LGI1: variants seen among roughly 807,000 people sequenced by gnomAD.
LGI1 encodes the protein leucine-rich glioma-inactivated protein 1.
In LGI1, 11 loss-of-function variants were observed where a neutral mutation model predicts 57.7. The ratio of observed to expected loss-of-function variants is 0.19; its 90% confidence interval spans 0.12 to 0.32. The LOEUF is 0.32. Among genes scored for constraint, LGI1 ranks in the 10% least tolerant of loss-of-function variants. The pLI, the probability that LGI1 is intolerant of heterozygous loss-of-function variation, is 1.00. For missense variants in LGI1, 422 were observed against 661.9 expected, an observed-to-expected ratio of 0.64 and a Z score of 3.98; for synonymous variants, 222 against 241.9, an observed-to-expected ratio of 0.92 and a Z score of 0.76.
intron 3 of LGI1, 39 bp from the exon 4 acceptor site, chr10:93,777,507 C>T (rs1455819939): frequency 1.2e-6 from 2 of 1,606,426 alleles, no homozygotes; most frequent in African/African-American, 2.7e-5. Flanking sequence ...TCTCAAGTTC[C>T]TGTAACTGTT....
intron 7 of LGI1, among the ~76,000 whole-genome samples, chr10:93,795,517 A>G (rs2059973191): frequency 6.6e-6 from 1 of 152,174 alleles, no homozygotes; most frequent in African/African-American, 2.4e-5. Context: ...CCCACTTCTT[A>G]ATACTATTAC....
chr10:93,783,513 G>A lies in LGI1; in HGVS notation c.431+5896G>A, dbSNP rs558920311. On this transcript the variant is annotated intron_variant, in intron 4 of 7. Coordinates refer to ENST00000371418, the MANE Select transcript of LGI1 (RefSeq NM_005097.4). ...GCCTTGGGATTTCTACCACAGTGGG[G>A]CTGTGGGGAGGGAGGGTCCTTCCTG... Among the ~76,000 whole-genome samples, 24 of 152,322 alleles carry A rather than the reference G, an allele frequency of 1.6e-4. No homozygotes were observed. In the East Asian group the frequency reaches 4.6e-3, roughly 29 times the overall value.
intron 4 of LGI1, among the ~76,000 whole-genome samples, chr10:93,779,626 C>G (rs574993130): frequency 6.6e-6 from 1 of 152,210 alleles, no homozygotes; most frequent in African/African-American, 2.4e-5. Context: ...TTACTGGAGC[C>G]TATGATGTGT....
rs773401944 is a variant in LGI1 at position 93,797,722 on chromosome 10, T to C, written c.1593T>C (p.Asn531=). ...GATCATTCACACATGTGTCCATTAA[T>C]AAGCGTAATTTTCTTTTTGCTTCCA... ...APRSFTHVSI[N]KRNFLFASSF... Residue 531 remains asparagine, a synonymous_variant, in exon 8 of 8, where the codon AAT becomes AAC. Transcript: ENST00000371418. The surrounding 1 kb of genome is among the most constrained non-coding windows in gnomAD (Gnocchi z 6.5). 3 of 1,612,800 alleles carry C rather than the reference T, an allele frequency of 1.9e-6. No individual in the cohort carries two copies. Among genetic ancestry groups the C allele is most frequent in the Admixed American group, 1.7e-5 (1 of 60,026 alleles).
rs2059985791 is a variant in LGI1 at position 93,796,991 on chromosome 10, C to T, written c.862C>T (p.Pro288Ser). The change falls in exon 8 of 8, where the codon CCT becomes TCT. Residue 288 changes from proline to serine, a missense_variant. Physicochemically the swap from Pro to Ser is moderately conservative, Grantham distance 74. Transcript: ENST00000371418. The stretch of plus-strand genomic sequence containing the variant: ...AGGCACATCCACTGTAGTATGCAAG[C>T]CTATAGTCATTGAAACTCAGCTCTA... The part of the protein sequence containing the change: ...ITGTSTVVCK[P>S]IVIETQLYVI... 1.9e-6 allele frequency: 3 copies of T among 1,613,908 alleles called. No individual in the cohort carries two copies. The highest frequency in any genetic ancestry group is 2.5e-6 in the Non-Finnish European group (3 of 1,179,866).
At chr10:93,796,649 T>C (rs929294243) in intron 7 of LGI1, among the ~76,000 whole-genome samples, 11 of 152,242 alleles carry the variant, frequency 7.2e-5, no homozygotes, top group African/African-American at 2.2e-4. Flanking sequence ...CTCATTTGTG[T>C]CAGGGAAACT....
At position 93,797,226 on chromosome 10, in the gene LGI1, G is replaced by C. The variant is rs2059988287; in HGVS notation, c.1097G>C (p.Gly366Ala). 5.0e-6 allele frequency: 8 copies of C among 1,614,188 alleles called. No individual in the cohort carries two copies. Among genetic ancestry groups the C allele is most frequent in the Non-Finnish European group, 5.9e-6 (7 of 1,180,034 alleles). ...ACCATTTACAAATGGAACGGAAACG[G>C]ATTCTACTCCCATCAATCCTTACAC... Reference protein sequence around the residue: ...FTTIYKWNGNGFYSHQSLHAW... With the variant: ...FTTIYKWNGNAFYSHQSLHAW... The change falls in exon 8 of 8, where the codon GGA becomes GCA. Residue 366 changes from glycine (G) to alanine (A), a missense_variant. Gly to Ala is a moderately conservative substitution (Grantham distance 60). Coordinates refer to ENST00000371418, the MANE Select transcript of LGI1 (RefSeq NM_005097.4). The surrounding 1 kb of genome is among the most constrained non-coding windows in gnomAD (Gnocchi z 6.5).
intron 7 of LGI1, 30 bp downstream of exon 7, chr10:93,793,380 G>A (rs749031343): frequency 8.1e-6 from 13 of 1,601,134 alleles, no homozygotes; most frequent in Non-Finnish European, 1.1e-5. Context: ...ATTTTGAGTG[G>A]TAATTTAAAC....
At position 93,798,046 on chromosome 10, in the gene LGI1, A is replaced by G. The variant is rs1366061894; in HGVS notation, c.*243A>G. ...TCTTTGCAGTGAAGATGTGTAAATA[A>G]GCGTTTAATGGTATCTGTTACTCCA... On this transcript the variant is annotated 3_prime_UTR_variant, in exon 8 of 8. Coordinates refer to ENST00000371418, the MANE Select transcript of LGI1 (RefSeq NM_005097.4). 1.8e-6 allele frequency: 1 copy of G among 556,418 alleles called. No individual in the cohort carries two copies. The highest frequency in any genetic ancestry group is 1.9e-5 in the African/African-American group (1 of 53,020). 34.5% of individuals were successfully genotyped at this position (556,418 alleles called of 1,614,324 possible). A position where few individuals can be genotyped will look rare whatever the true frequency, so the allele number is the denominator to read the frequency against.
At chr10:93,775,581 T>C (rs141671163) in intron 2 of LGI1, among the ~76,000 whole-genome samples, 97 of 152,324 alleles carry the variant, frequency 6.4e-4, no homozygotes, top group African/African-American at 2.2e-3. Context: ...ATTTATTCAG[T>C]GTCCACTAGA....
intron 2 of LGI1, chr10:93,764,097 G>T (rs1212287133): frequency 2.0e-5 from 3 of 152,086 alleles, no homozygotes; most frequent in African/African-American, 7.2e-5. Context: ...GGCTCTACTG[G>T]GTAGCAGGTA....
chr10:93,768,383 TTTTC>T (rs2059701167), intron 2 of LGI1: 1 of 152,198 alleles, frequency 6.6e-6, no homozygotes, highest in African/African-American at 2.4e-5. Context: ...CTCACCTCGG[TTTTC>T]TTTATCTCTT....
chr10:93,777,358 T>C (rs748057413), intron 2 of LGI1, 21 bp from the exon 3 acceptor site: 38 of 1,608,490 alleles, frequency 2.4e-5, no homozygotes, highest in African/African-American at 5.3e-5. Flanking sequence ...ACCATTTTCA[T>C]TGTGTACTTT....
intron 2 of LGI1, chr10:93,777,036 C>G (rs1489869629): frequency 7.8e-6 from 3 of 385,680 alleles, no homozygotes; most frequent in South Asian, 7.5e-5. Flanking sequence ...CTAGAACAAG[C>G]AGAAAAGATT....
intron 2 of LGI1, chr10:93,770,330 G>T (rs1230041006): frequency 1.3e-5 from 2 of 152,240 alleles, no homozygotes; most frequent in Admixed American, 6.5e-5. Context: ...AAGAGGCGAG[G>T]CCCCAGGGCA....
At position 93,777,528 on chromosome 10, in the gene LGI1, T is replaced by C; in HGVS notation, c.360-18T>C. 1 of 1,612,216 alleles carries C rather than the reference T, an allele frequency of 6.2e-7. No individual in the cohort carries two copies. Among genetic ancestry groups the C allele is most frequent in the Non-Finnish European group, 8.5e-7 (1 of 1,178,342 alleles). ...GTTCCTGTAACTGTTTGACAAAAAATATTATAACTTATTGCAGATTCATAG... is the reference window on the plus strand; with the variant it reads ...GTTCCTGTAACTGTTTGACAAAAAACATTATAACTTATTGCAGATTCATAG... On this transcript the variant is annotated intron_variant, in intron 3 of 7. Transcript: ENST00000371418.
chr10:93,758,912 A>G lies in LGI1; in HGVS notation c.287+81A>G, dbSNP rs1012064017. 6.7e-6 allele frequency: 7 copies of G among 1,045,582 alleles called. No homozygotes were observed. The highest frequency in any genetic ancestry group is 1.6e-5 in the African/African-American group (1 of 63,556). 64.8% of individuals were successfully genotyped at this position (1,045,582 alleles called of 1,614,324 possible). On this transcript the variant is annotated intron_variant, in intron 2 of 7. Coordinates refer to ENST00000371418, the MANE Select transcript of LGI1 (RefSeq NM_005097.4). The surrounding 1 kb of genome is among the most constrained non-coding windows in gnomAD (Gnocchi z 4.7). ...TTCTAGTAAAATGATCTCAATATTA[A>G]TTTTGTCAAATGTGATTCTATTTCT...
chr10:93,796,907 A>C, intron 7 of LGI1, 61 bp from the exon 8 acceptor site: 1 of 1,350,208 alleles, frequency 7.4e-7, no homozygotes, highest in Non-Finnish European at 1.1e-6. Flanking sequence ...CCCAGCCCGC[A>C]TGTTTACATG....
At chr10:93,765,969 CAAA>C (rs35644716) in intron 2 of LGI1, among the ~76,000 whole-genome samples, 150 of 95,022 alleles carry the variant, frequency 1.6e-3, no homozygotes, top group Non-Finnish European at 4.1e-4. Flanking sequence ...GCCTCCGTCT[CAAA>C]AAAAAAAAAA....
Sources: allele counts gnomAD v4.1 joint callset (sites outside exome capture counted in the v4.1 genomes callset), GRCh38; gene constraint gnomAD v4.1.1; non-coding constraint Gnocchi (gnomAD v3.1); transcripts MANE v1.5; gene names NCBI Gene and HGNC (gene_info 2026-07-23, HGNC 2026-07-21).